Variants in DAPK1 observed in about 807,000 individuals in gnomAD.
DAPK1 encodes the protein death-associated protein kinase 1.
In DAPK1, 56 loss-of-function variants were observed where a neutral mutation model predicts 144.9. That is an observed-to-expected ratio of 0.39 (90% CI 0.31 to 0.48). DAPK1 has a LOEUF of 0.48. Among genes scored for constraint, DAPK1 ranks in the 20% least tolerant of loss-of-function variants. The pLI, the probability that DAPK1 is intolerant of heterozygous loss-of-function variation, is 0.95. For synonymous variants in DAPK1, 690 were observed against 749.0 expected (o/e 0.92, Z 1.29); for missense variants, 1,454 against 1,875.4 (o/e 0.78, Z 4.15).
At chr9:87,596,598 C>G (rs370848603) in intron 2 of DAPK1, among the ~76,000 whole-genome samples, 5 of 152,132 alleles carry the variant, frequency 3.3e-5, no homozygotes, top group Admixed American at 6.5e-5. Flanking sequence ...TGAGAGGGCC[C>G]GTTTTTCTGA....
In DAPK1 at chr9:87,602,413, A is replaced by G. The variant is rs556546987; in HGVS notation, c.63-2541A>G. Among the ~76,000 whole-genome samples, 40 of 152,298 alleles carry G rather than the reference A, an allele frequency of 2.6e-4. No individual in the cohort carries two copies. In the South Asian group the frequency reaches 8.1e-3, roughly 31 times the overall value. The stretch of plus-strand genomic sequence containing the variant: ...AGGTTTTGCTGTAAACGAAGGCACC[A>G]CAGTTCCCTCGGGCATGAGCACACA... On this transcript the variant is annotated intron_variant, in intron 2 of 25. Transcript: ENST00000408954.
At chr9:87,498,820 T>G in intron 1 of DAPK1, 150 bp from the exon 2 acceptor site, 1 of 452,854 alleles carries the variant, frequency 2.2e-6, no homozygotes, top group Non-Finnish European at 4.0e-6. Flanking sequence ...GCCGCCCAGC[T>G]TTAACAAAGG....
chr9:87,626,716 T>C (rs538925669), intron 3 of DAPK1, among the ~76,000 whole-genome samples: 1 of 152,340 alleles, frequency 6.6e-6, no homozygotes, highest in South Asian at 2.1e-4. Context: ...AAATAAACTC[T>C]TATCTAGACC....
chr9:87,565,784 G>A (rs1827099825), intron 2 of DAPK1, among the ~76,000 whole-genome samples: 2 of 151,832 alleles, frequency 1.3e-5, no homozygotes, highest in South Asian at 2.1e-4. Flanking sequence ...ATTGCTACTC[G>A]CTACTCCTAG....
intron 18 of DAPK1, among the ~76,000 whole-genome samples, chr9:87,661,715 AT>A (rs1449538658): frequency 1.3e-5 from 2 of 152,144 alleles, no homozygotes; most frequent in Admixed American, 6.5e-5. Context: ...TTCCTGGTAC[AT>A]TCTGGATGTT....
chr9:87,650,781 A>G (rs36214018), intron 16 of DAPK1, among the ~76,000 whole-genome samples: 12 of 152,344 alleles, frequency 7.9e-5, no homozygotes, highest in African/African-American at 2.6e-4. Flanking sequence ...TGGTTGTCAC[A>G]GCTAGAGATG....
At chr9:87,497,816 GC>G, upstream of DAPK1, 1 of 378,208 alleles carries the variant, frequency 2.6e-6, no homozygotes, top group East Asian at 3.8e-5. Context: ...GTCCCCATTG[GC>G]CGCCTGCCGG....
chr9:87,510,303 A>G (rs1047735367), intron 2 of DAPK1, among the ~76,000 whole-genome samples: 1 of 152,246 alleles, frequency 6.6e-6, no homozygotes, highest in African/African-American at 2.4e-5. Context: ...TCCTGTTTTA[A>G]GAATATTACT....
At position 87,567,451 on chromosome 9, in the gene DAPK1, G is replaced by A. The variant is rs550140805; in HGVS notation, c.63-37503G>A. Reference sequence around the variant, plus strand: ...TAAGTGACTGTCTTCACCCTTCCTCGATGTCTTTCCATCCTCCTGTGTTTC... The same window carrying A: ...TAAGTGACTGTCTTCACCCTTCCTCAATGTCTTTCCATCCTCCTGTGTTTC... On this transcript the variant is annotated intron_variant, in intron 2 of 25. Coordinates refer to ENST00000408954, the MANE Select transcript of DAPK1 (RefSeq NM_004938.4). Among the ~76,000 whole-genome samples, 16 of 152,256 alleles carry A rather than the reference G, an allele frequency of 1.1e-4. No homozygotes were observed. In the South Asian group the frequency reaches 2.9e-3, roughly 28 times the overall value.
chr9:87,700,710 A>T (rs1304829817), intron 24 of DAPK1, among the ~76,000 whole-genome samples: 1 of 152,112 alleles, frequency 6.6e-6, no homozygotes, highest in African/African-American at 2.4e-5. Flanking sequence ...TATGTTGCCC[A>T]GGCTGGTCTC....
intron 2 of DAPK1, among the ~76,000 whole-genome samples, chr9:87,599,364 G>C (rs1203489834): frequency 1.3e-5 from 2 of 152,164 alleles, no homozygotes; most frequent in Non-Finnish European, 2.9e-5. Context: ...TATGATCCTG[G>C]TTACAGTTTC....
rs192223523 is a variant in DAPK1 at position 87,655,146 on chromosome 9, C to T, written c.1825-2883C>T. Among the ~76,000 whole-genome samples, 196 of 152,246 alleles carry T rather than the reference C, an allele frequency of 1.3e-3. 2 individuals are homozygous for T. In the Middle Eastern group the frequency reaches 0.031, roughly 24 times the overall value. On this transcript the variant is annotated intron_variant, in intron 17 of 25. Coordinates refer to ENST00000408954, the MANE Select transcript of DAPK1 (RefSeq NM_004938.4). Reference sequence around the variant, plus strand: ...TCAGCTGATGTGAAAATCATCAGTTCCAGTTTCAACCCCTTGGAATTAGCA... The same window carrying T: ...TCAGCTGATGTGAAAATCATCAGTTTCAGTTTCAACCCCTTGGAATTAGCA...
chr9:87,698,489 A>G (rs1456360670), intron 22 of DAPK1, 167 bp from the exon 23 acceptor site: 2 of 610,420 alleles, frequency 3.3e-6, no homozygotes, highest in East Asian at 2.7e-5. Flanking sequence ...GGGGCCTTCT[A>G]GGGTCACAGT....
At chr9:87,659,910 A>G (rs185157339) in intron 18 of DAPK1, among the ~76,000 whole-genome samples, 84 of 152,206 alleles carry the variant, frequency 5.5e-4, no homozygotes, top group African/African-American at 2.0e-3. Flanking sequence ...CCCTCAGGAG[A>G]CTTCTGGAAA....
At chr9:87,604,319 T>C (rs535516533) in intron 2 of DAPK1, among the ~76,000 whole-genome samples, 1 of 152,028 alleles carries the variant, frequency 6.6e-6, no homozygotes, top group Non-Finnish European at 1.5e-5. Context: ...GTATTTACAG[T>C]TGGGGGTGGA....
rs1035881276 is a variant in DAPK1 at position 87,568,240 on chromosome 9, G to A, written c.63-36714G>A. On this transcript the variant is annotated intron_variant, in intron 2 of 25. Transcript: ENST00000408954. The stretch of plus-strand genomic sequence containing the variant: ...ATTGGGCGCTGACTGCCTGCAGGCC[G>A]TGGGCCAACGCTGCCAGCTCTTCCA... Among the ~76,000 whole-genome samples, 16 of 152,360 alleles carry A rather than the reference G, an allele frequency of 1.1e-4. No individual in the cohort carries two copies. In the South Asian group the frequency reaches 1.4e-3, roughly 14 times the overall value.
chr9:87,681,483 G>A lies in DAPK1; in HGVS notation c.2081G>A (p.Gly694Asp), dbSNP rs1402394544. 2 of 1,613,504 alleles carry A rather than the reference G, an allele frequency of 1.2e-6. No individual in the cohort carries two copies. The highest frequency in any genetic ancestry group is 1.7e-6 in the Non-Finnish European group (2 of 1,179,504). ...CCAAGAATTAAGCTCAAGCTGTTTG[G>A]CCACTCGGGATCCGGGAAAACCACC... Reference protein sequence around the residue: ...LQPRIKLKLFGHSGSGKTTLV... With the variant: ...LQPRIKLKLFDHSGSGKTTLV... The change falls in exon 20 of 26, where the codon GGC becomes GAC. Residue 694 changes from glycine to aspartate, a missense_variant. Gly to Asp is a moderately conservative substitution (Grantham distance 94, BLOSUM62 -1). Transcript: ENST00000408954.
At chr9:87,685,674 C>T (rs1824816021) in intron 20 of DAPK1, among the ~76,000 whole-genome samples, 1 of 152,166 alleles carries the variant, frequency 6.6e-6, no homozygotes, top group Non-Finnish European at 1.5e-5. Flanking sequence ...ACGCAGGGGA[C>T]CCAGACTCTG....
intron 21 of DAPK1, among the ~76,000 whole-genome samples, chr9:87,689,985 G>C (rs1337517247): frequency 6.6e-6 from 1 of 152,002 alleles, no homozygotes; most frequent in Non-Finnish European, 1.5e-5. Context: ...TTGGCTGTTT[G>C]GCCACTGTTT....
Sources: allele counts gnomAD v4.1 joint callset (sites outside exome capture counted in the v4.1 genomes callset), GRCh38; gene constraint gnomAD v4.1.1; transcripts MANE v1.5; gene names NCBI Gene and HGNC (gene_info 2026-07-23, HGNC 2026-07-21).